The following BCL2L1 variants were observed in gnomAD, a reference collection of about 807,000 sequenced individuals.
The protein encoded by BCL2L1 is bcl-2-like protein 1.
A neutral mutation model predicts 18.7 loss-of-function variants in BCL2L1; 1 was observed. The ratio of observed to expected loss-of-function variants is 0.05; its 90% CI spans 0.02 to 0.25. BCL2L1 has a LOEUF of 0.25. Ranked by LOEUF, BCL2L1 falls within the 10% of genes least tolerant of loss-of-function variation. The pLI, the probability that BCL2L1 is intolerant of heterozygous loss-of-function variation, is 1.00. For synonymous variants in BCL2L1, 103 were observed against 122.7 expected (o/e 0.84, Z 1.06); for missense variants, 207 against 304.9 (o/e 0.68, Z 2.39).
At chr20:31,672,901 C>T (rs1311754601) in intron 2 of BCL2L1, among the ~76,000 whole-genome samples, 2 of 151,810 alleles carry the variant, frequency 1.3e-5, no homozygotes, top group Admixed American at 1.3e-4. Flanking sequence ...GATGGAGTCT[C>T]ACTACATTGC....
chr20:31,675,152 CT>C (rs1254547374), intron 2 of BCL2L1, among the ~76,000 whole-genome samples: 3 of 152,166 alleles, frequency 2.0e-5, no homozygotes, highest in African/African-American at 7.2e-5. Context: ...CTTCCTTCCT[CT>C]TGGGTGACTC....
intron 2 of BCL2L1, among the ~76,000 whole-genome samples, chr20:31,700,380 A>G (rs1347996904): frequency 2.0e-5 from 3 of 152,220 alleles, no homozygotes; most frequent in African/African-American, 7.2e-5. Flanking sequence ...ACCAGTGGCC[A>G]GCATGGGCAT....
rs369023924 is a variant in BCL2L1, at chr20:31,696,987, C to T, written c.564+24668G>A. 2.3e-4 allele frequency among the ~76,000 whole-genome samples: 33 copies of T among 141,256 alleles called. No homozygotes were observed. In the East Asian group the frequency reaches 6.3e-3, roughly 27 times the overall value. 92.7% of individuals were successfully genotyped at this position (141,256 alleles called of 152,430 possible). A position where few individuals can be genotyped will look rare whatever the true frequency, so the allele number is the denominator to read the frequency against. ...AGGAGAATCACTTGAATCCAGGAGG[C>T]GGAGGCTGCAGTGAGCCGAGATCAA... On this transcript the variant is annotated intron_variant, in intron 2 of 2. Coordinates refer to ENST00000307677, the MANE Select transcript of BCL2L1 (RefSeq NM_138578.3).
intron 2 of BCL2L1, among the ~76,000 whole-genome samples, chr20:31,696,661 G>A (rs1041823228): frequency 2.0e-5 from 3 of 152,112 alleles, no homozygotes; most frequent in African/African-American, 7.2e-5. Context: ...GCCTGTAATC[G>A]CAGCACTTTG....
At chr20:31,687,570 A>C (rs900390900) in intron 2 of BCL2L1, among the ~76,000 whole-genome samples, 1 of 151,072 alleles carries the variant, frequency 6.6e-6, no homozygotes, top group Non-Finnish European at 1.5e-5. Context: ...CCAGCTACTC[A>C]GGAGGCTGAG....
chr20:31,671,569 T>G (rs2060668542), intron 2 of BCL2L1, among the ~76,000 whole-genome samples: 1 of 152,062 alleles, frequency 6.6e-6, no homozygotes, highest in South Asian at 2.1e-4. Context: ...CTCCTTTCTG[T>G]TCCCAGACTC....
chr20:31,720,716 A>G, intron 2 of BCL2L1: 1 of 983,790 alleles, frequency 1.0e-6, no homozygotes, highest in African/African-American at 1.7e-5. Context: ...TCAAGAAAGT[A>G]ACCCAGCCTG....
chr20:31,683,757 G>T (rs2060904040), intron 2 of BCL2L1, among the ~76,000 whole-genome samples: 1 of 83,302 alleles, frequency 1.2e-5, no homozygotes, highest in African/African-American at 4.1e-5. Context: ...CAACAAGAGT[G>T]AAACTCCATC....
At chr20:31,678,050 T>C (rs2060792619) in intron 2 of BCL2L1, among the ~76,000 whole-genome samples, 1 of 152,150 alleles carries the variant, frequency 6.6e-6, no homozygotes, top group Non-Finnish European at 1.5e-5. Flanking sequence ...TCCAGACACT[T>C]TCTCTCAGGA....
intron 2 of BCL2L1, among the ~76,000 whole-genome samples, chr20:31,678,153 TC>T (rs2060794656): frequency 6.6e-6 from 1 of 152,144 alleles, no homozygotes; most frequent in Non-Finnish European, 1.5e-5. Flanking sequence ...GGTAGCAATC[TC>T]CAAAAACTAG....
intron 2 of BCL2L1, among the ~76,000 whole-genome samples, chr20:31,693,609 T>G (rs2061120093): frequency 6.6e-6 from 1 of 152,144 alleles, no homozygotes; most frequent in Non-Finnish European, 1.5e-5. Context: ...CATAGCTTAC[T>G]GCAGCCTTAA....
intron 2 of BCL2L1, among the ~76,000 whole-genome samples, chr20:31,683,072 G>A (rs1277873308): frequency 6.6e-6 from 1 of 152,126 alleles, no homozygotes. Flanking sequence ...GCAGCCAGAG[G>A]GGTCAGCAAA....
upstream of BCL2L1, chr20:31,723,768 C>G: frequency 2.0e-6 from 2 of 985,440 alleles, no homozygotes; most frequent in Non-Finnish European, 2.4e-6. Context: ...GGGCCACATC[C>G]CCCTTCATCG....
chr20:31,692,502 G>A (rs1304684199), intron 2 of BCL2L1, among the ~76,000 whole-genome samples: 1 of 152,260 alleles, frequency 6.6e-6, no homozygotes. Flanking sequence ...CAGGCTGGGC[G>A]CAGTGGCTCA....
At chr20:31,677,325 G>C (rs1422267693) in intron 2 of BCL2L1, among the ~76,000 whole-genome samples, 1 of 151,872 alleles carries the variant, frequency 6.6e-6, no homozygotes, top group African/African-American at 2.4e-5. Flanking sequence ...GGGACTACAG[G>C]CATGCACCAC....
chr20:31,705,043 C>T (rs1600885180), intron 2 of BCL2L1, among the ~76,000 whole-genome samples: 1 of 152,168 alleles, frequency 6.6e-6, no homozygotes, highest in Admixed American at 6.5e-5. Context: ...ATAGTTATAA[C>T]AGCAACATTT....
At chr20:31,708,332 A>G (rs1289490301) in intron 2 of BCL2L1, among the ~76,000 whole-genome samples, 1 of 152,208 alleles carries the variant, frequency 6.6e-6, no homozygotes, top group Non-Finnish European at 1.5e-5. Context: ...CTGGGCAAGA[A>G]GCCTGTACAT....
At chr20:31,697,215 G>T (rs1385755720) in intron 2 of BCL2L1, among the ~76,000 whole-genome samples, 1 of 152,124 alleles carries the variant, frequency 6.6e-6, no homozygotes, top group Non-Finnish European at 1.5e-5. Context: ...AGCACCCATG[G>T]AGTGCTCAAT....
chr20:31,676,739 G>A (rs1185423375), intron 2 of BCL2L1, among the ~76,000 whole-genome samples: 1 of 152,198 alleles, frequency 6.6e-6, no homozygotes, highest in Non-Finnish European at 1.5e-5. Context: ...GAAGGGTGGA[G>A]TGCTGAAGTC....
Sources: gnomAD v4.1 joint callset for allele counts (sites outside exome capture counted in the v4.1 genomes callset) on GRCh38, gnomAD v4.1.1 for gene constraint, MANE v1.5 for transcripts, NCBI Gene and HGNC (gene_info 2026-07-23, HGNC 2026-07-21) for gene names.